Variants in ESPN observed in about 807,000 individuals in gnomAD.
ESPN encodes the protein autosomal recessive deafness type 36 protein.
A neutral mutation model predicts 77.7 loss-of-function variants in ESPN; 68 were observed. The ratio of observed to expected loss-of-function variants is 0.87; its 90% CI spans 0.72 to 1.07. The LOEUF is 1.07. Among genes scored for constraint, ESPN ranks in the 50% least tolerant of loss-of-function variants. The pLI is 0.00. For synonymous variants in ESPN, 449 were observed against 567.1 expected, an observed-to-expected ratio of 0.79 and a Z score of 2.96; for missense variants, 1,060 against 1,239.0, an observed-to-expected ratio of 0.86 and a Z score of 2.17.
chr1:6,449,882 C>A (rs1301728885), intron 8 of ESPN, among the ~76,000 whole-genome samples: 1 of 152,150 alleles, frequency 6.6e-6, no homozygotes, highest in Non-Finnish European at 1.5e-5. Context: ...GCTGGGGTGT[C>A]TTCCTCACCC....
chr1:6,424,838 CCT>C lies in ESPN; in HGVS notation c.-116_-115del, dbSNP rs1424536957. On this transcript the variant is annotated 5_prime_UTR_variant, in exon 1 of 13. Transcript: ENST00000645284. ...GGAGGCCAGGCCCACAGCCGCTCCG[CCT>C]CCCGGCCCGCAGATCCCCGACGGCC... 9.3e-7 allele frequency: 1 copy of C among 1,069,802 alleles called. No individual in the cohort carries two copies. The highest frequency in any genetic ancestry group is 1.7e-5 in the African/African-American group (1 of 59,564). The allele number at this position is 1,069,802 out of a possible 1,614,324, so 66.3% of individuals were successfully genotyped here. A position where few individuals can be genotyped will look rare whatever the true frequency, so the allele number is the denominator to read the frequency against.
At position 6,451,938 on chromosome 1, in the gene ESPN, G is replaced by C. The variant is rs370514263; in HGVS notation, c.2167G>C (p.Val723Leu). ...GCTGCTCAATGGAAGCTTGGTTCCC[G>C]TGCCGCCCACTACTCCTGCGCCGGG... is the stretch of plus-strand genomic sequence containing the variant. ...QPLLNGSLVP[V>L]PPTTPAPGVQ... The change falls in exon 10 of 13, where the codon GTG becomes CTG. Residue 723 changes from valine to leucine, a missense_variant. Transcript: ENST00000645284. The surrounding 1 kb of genome is among the most constrained non-coding windows in gnomAD (Gnocchi z 4.3). 3.1e-6 allele frequency: 5 copies of C among 1,610,498 alleles called. No homozygotes were observed. In the African/African-American group the frequency reaches 6.7e-5, roughly 22 times the overall value.
In ESPN at chr1:6,460,192, C is replaced by G. The variant is rs371734244; in HGVS notation, c.*46C>G. 11 of 1,590,740 alleles carry G rather than the reference C, an allele frequency of 6.9e-6. No homozygotes were observed. Among genetic ancestry groups the G allele is most frequent in the Non-Finnish European group, 9.4e-6 (11 of 1,165,282 alleles). ...CAGCCTCGCAGCTCCGTGGGGCCCT[C>G]CGCCCCAGCCCCAGCCAGCCAGGCC... is the stretch of plus-strand genomic sequence containing the variant. On this transcript the variant is annotated 3_prime_UTR_variant, in exon 13 of 13. Coordinates refer to ENST00000645284, the MANE Select transcript of ESPN (RefSeq NM_031475.3).
In ESPN at chr1:6,451,174, T is replaced by G. The variant is rs1386717490; in HGVS notation, c.1916-429T>G. On this transcript the variant is annotated intron_variant, in intron 8 of 12. Transcript: ENST00000645284. The surrounding 1 kb of genome is among the most constrained non-coding windows in gnomAD (Gnocchi z 4.3). ...CCAATTGACTCAGTTCAAGGGTCAC[T>G]GAGGCTTTGCTGATGTAGGGAGAGG... is the stretch of plus-strand genomic sequence containing the variant. The G allele has an allele frequency of 9.1e-6, 3 of 330,468 alleles. No homozygotes were observed. The East Asian group carries it at 2.4e-4, about 27-fold the overall frequency. 20.5% of individuals were successfully genotyped at this position (330,468 alleles called of 1,614,324 possible). A position where few individuals can be genotyped will look rare whatever the true frequency, so the allele number is the denominator to read the frequency against.
chr1:6,446,114 T>G (rs1643828378), intron 7 of ESPN, among the ~76,000 whole-genome samples, 179 bp downstream of exon 7: 1 of 152,056 alleles, frequency 6.6e-6, no homozygotes, highest in South Asian at 2.1e-4. Context: ...GACACTGGAC[T>G]GGGAGGAGAG....
intron 5 of ESPN, 62 bp from the exon 6 acceptor site, chr1:6,444,419 G>A: frequency 6.4e-7 from 1 of 1,554,918 alleles, no homozygotes; most frequent in South Asian, 1.1e-5. Context: ...TAGGACCCTG[G>A]CCTGGAGAGC....
chr1:6,461,236 C>T (rs1044040339), downstream of ESPN: 4 of 747,400 alleles, frequency 5.4e-6, no homozygotes, highest in Admixed American at 6.0e-5. The surrounding 1 kb of genome is among the most constrained non-coding windows in gnomAD (Gnocchi z 6.3). Context: ...ATGTCTTCAC[C>T]CCCTCTCGAC....
At chr1:6,456,168 GAGA>G (rs914960973) in intron 10 of ESPN, 18 of 399,068 alleles carry the variant, frequency 4.5e-5, no homozygotes, top group African/African-American at 2.5e-4. Flanking sequence ...CTTCTGGAAA[GAGA>G]AGGAGGCAGA....
chr1:6,433,232 C>T (rs1388109761), intron 2 of ESPN, among the ~76,000 whole-genome samples: 1 of 152,104 alleles, frequency 6.6e-6, no homozygotes, highest in Non-Finnish European at 1.5e-5. Context: ...ATCACGAGGT[C>T]AGGAATTTGA....
In ESPN at chr1:6,445,663, G is replaced by C; in HGVS notation, c.1193-1G>C. On this transcript the variant is annotated splice_acceptor_variant, in intron 6 of 12. Coordinates refer to ENST00000645284, the MANE Select transcript of ESPN (RefSeq NM_031475.3). LOFTEE classifies it high-confidence loss of function. ...TCTGGCCCTTCCTTCTGCCTCCCCAGGGCTTTCCAGCGCTAGAGCTGCAGA... is the reference window on the plus strand; with the variant it reads ...TCTGGCCCTTCCTTCTGCCTCCCCACGGCTTTCCAGCGCTAGAGCTGCAGA... 6.2e-7 allele frequency: 1 copy of C among 1,612,262 alleles called. No individual in the cohort carries two copies. Among genetic ancestry groups the C allele is most frequent in the Non-Finnish European group, 8.5e-7 (1 of 1,179,696 alleles).
downstream of ESPN, chr1:6,461,296 G>C (rs1644164427): frequency 6.3e-6 from 7 of 1,119,244 alleles, no homozygotes; most frequent in South Asian, 9.4e-5. The surrounding 1 kb of genome is among the most constrained non-coding windows in gnomAD (Gnocchi z 6.3). Context: ...GCGAGCAGGG[G>C]TGGGGCCGGC....
intron 7 of ESPN, chr1:6,448,322 G>T (rs201026784): frequency 1.2e-4 from 37 of 306,880 alleles, no homozygotes; most frequent in Non-Finnish European, 1.9e-4. Context: ...GTGCCCCTTC[G>T]CCAGCTCCCC....
In ESPN at chr1:6,425,505, G is replaced by A. The variant is rs749364347; in HGVS notation, c.294+256G>A. 6.6e-5 allele frequency among the ~76,000 whole-genome samples: 10 copies of A among 152,254 alleles called. 1 individual carries two copies. Among genetic ancestry groups the A allele is most frequent in the Non-Finnish European group, 1.3e-4 (9 of 68,048 alleles). ...TGGGAGCCAGAAGGGAGGGGCCTCC[G>A]TGGGGCTTGTGGTTACTAGTGTGTA... On this transcript the variant is annotated intron_variant, in intron 1 of 12. Coordinates refer to ENST00000645284, the MANE Select transcript of ESPN (RefSeq NM_031475.3).
chr1:6,425,315 TC>T, intron 1 of ESPN, 66 bp downstream of exon 1: 1 of 1,521,752 alleles, frequency 6.6e-7, no homozygotes. Context: ...TGGCCCAGAG[TC>T]CCCCGGGGCT....
intron 12 of ESPN, among the ~76,000 whole-genome samples, chr1:6,459,538 T>C (rs1292501408): frequency 6.6e-6 from 1 of 152,150 alleles, no homozygotes; most frequent in Non-Finnish European, 1.5e-5. Flanking sequence ...AACAGGCAGA[T>C]CTACCCTCTA....
intron 1 of ESPN, among the ~76,000 whole-genome samples, chr1:6,426,873 C>T (rs1643056039): frequency 6.6e-6 from 1 of 152,132 alleles, no homozygotes; most frequent in Non-Finnish European, 1.5e-5. Context: ...ACAGGAGGGG[C>T]CTCGGTGTTG....
intron 10 of ESPN, 93 bp downstream of exon 10, chr1:6,452,189 T>A: frequency 7.6e-7 from 1 of 1,314,024 alleles, no homozygotes; most frequent in Non-Finnish European, 1.0e-6. Flanking sequence ...CCTCGGGACC[T>A]CCCATTTTCT....
chr1:6,453,158 T>C (rs1413925235), intron 10 of ESPN, among the ~76,000 whole-genome samples: 3 of 152,188 alleles, frequency 2.0e-5, no homozygotes, highest in Admixed American at 2.0e-4. Flanking sequence ...CCTCCCAAAG[T>C]GCTGGGATTA....
At position 6,460,259 on chromosome 1, in the gene ESPN, G is replaced by C; in HGVS notation, c.*113G>C. 1 of 1,378,580 alleles carries C rather than the reference G, an allele frequency of 7.3e-7. No individual in the cohort carries two copies. The highest frequency in any genetic ancestry group is 9.9e-7 in the Non-Finnish European group (1 of 1,014,564). The allele number at this position is 1,378,580 out of a possible 1,614,324, so 85.4% of individuals were successfully genotyped here. On this transcript the variant is annotated 3_prime_UTR_variant, in exon 13 of 13. Transcript: ENST00000645284. ...GAGCCGCACAGCCCTCCCCTCCTGC[G>C]CTGGAAACCCTCCCTGACCCCCACC...
Sources: gnomAD v4.1 joint callset for allele counts (sites outside exome capture counted in the v4.1 genomes callset) on GRCh38, gnomAD v4.1.1 for gene constraint, Gnocchi (gnomAD v3.1) non-coding constraint, MANE v1.5 for transcripts, NCBI Gene and HGNC (gene_info 2026-07-23, HGNC 2026-07-21) for gene names.